OR1F1: variants seen among roughly 807,000 people sequenced by gnomAD.
OR1F1 encodes the protein olfactory receptor 1F1.
For synonymous variants in OR1F1, 184 were observed against 156.7 expected, an observed-to-expected ratio of 1.17 and a Z score of -1.30; for missense variants, 493 against 376.3, an observed-to-expected ratio of 1.31 and a Z score of -2.57.
exon 1 of OR1F1, chr16:3,204,727 C>T (rs201246799): frequency 1.9e-6 from 3 of 1,614,136 alleles, no homozygotes; most frequent in Non-Finnish European, 2.5e-6. Flanking sequence ...TCTGCACACC[C>T]TGCTGATGGC....
the OR1F1 span, among the ~76,000 whole-genome samples, chr16:3,193,866 C>G: frequency 2.6e-5 from 4 of 152,146 alleles, no homozygotes; most frequent in Non-Finnish European, 5.9e-5. Context: ...TTCTAGCCAC[C>G]CGCGATAAGT....
At chr16:3,200,053 A>G (rs1399551889), upstream of OR1F1, among the ~76,000 whole-genome samples, 1 of 152,016 alleles carries the variant, frequency 6.6e-6, no homozygotes, top group Non-Finnish European at 1.5e-5. Context: ...TTAGGTGCAG[A>G]ATAGACAGTA....
At chr16:3,196,857 G>C in the OR1F1 span, among the ~76,000 whole-genome samples, 1 of 151,450 alleles carries the variant, frequency 6.6e-6, no homozygotes, top group African/African-American at 2.4e-5. Context: ...ACCATGCCCA[G>C]CTATTTTGTT....
chr16:3,190,963 A>G, the OR1F1 span, among the ~76,000 whole-genome samples: 1 of 152,174 alleles, frequency 6.6e-6, no homozygotes, highest in Non-Finnish European at 1.5e-5. Flanking sequence ...TGAAAAAACA[A>G]CCAAATAGTT....
chr16:3,190,036 C>A, the OR1F1 span, among the ~76,000 whole-genome samples: 1 of 152,154 alleles, frequency 6.6e-6, no homozygotes, highest in Non-Finnish European at 1.5e-5. Flanking sequence ...ACAATAAGAG[C>A]CGAATCTTCA....
downstream of OR1F1, among the ~76,000 whole-genome samples, chr16:3,206,155 G>A (rs1228425204): frequency 2.0e-5 from 3 of 152,210 alleles, no homozygotes; most frequent in Non-Finnish European, 4.4e-5. Context: ...TTATGCAGTT[G>A]AGATAAGGAC....
At chr16:3,199,585 C>T (rs141983023), upstream of OR1F1, among the ~76,000 whole-genome samples, 985 of 152,188 alleles carry the variant, frequency 6.5e-3, 12 homozygotes, top group African/African-American at 0.023. Flanking sequence ...CCCACCTTGG[C>T]CTCCCAAAGT....
upstream of OR1F1, among the ~76,000 whole-genome samples, chr16:3,203,189 G>C (rs1958156389): frequency 6.6e-6 from 1 of 152,132 alleles, no homozygotes; most frequent in East Asian, 1.9e-4. Flanking sequence ...GGAGGGGAAG[G>C]GACAATTACT....
At chr16:3,189,646 T>G in the OR1F1 span, 1 of 151,966 alleles carries the variant, frequency 6.6e-6, no homozygotes, top group Non-Finnish European at 1.5e-5. Flanking sequence ...CTCGTTGGTC[T>G]AGGGGTATGA....
At chr16:3,192,429 T>C in the OR1F1 span, among the ~76,000 whole-genome samples, 1 of 152,236 alleles carries the variant, frequency 6.6e-6, no homozygotes, top group Non-Finnish European at 1.5e-5. Context: ...TGGATTTCTC[T>C]GCTTCAATTT....
At chr16:3,192,819 C>T in the OR1F1 span, among the ~76,000 whole-genome samples, 3 of 152,050 alleles carry the variant, frequency 2.0e-5, no homozygotes, top group Non-Finnish European at 4.4e-5. Flanking sequence ...GCTAAGAGGG[C>T]GCTGACTTGG....
chr16:3,206,455 AC>A (rs544087510), downstream of OR1F1, among the ~76,000 whole-genome samples: 136 of 151,722 alleles, frequency 9.0e-4, no homozygotes, highest in African/African-American at 3.1e-3. Flanking sequence ...CTGTTCGTAC[AC>A]CCCCACCCCT....
chr16:3,200,874 A>G (rs1055838794), upstream of OR1F1, among the ~76,000 whole-genome samples: 2 of 152,192 alleles, frequency 1.3e-5, no homozygotes, highest in Non-Finnish European at 2.9e-5. Context: ...ATGCCTGACC[A>G]ATGGCATTAA....
chr16:3,196,190 A>C, the OR1F1 span, among the ~76,000 whole-genome samples: 1 of 152,138 alleles, frequency 6.6e-6, no homozygotes, highest in Admixed American at 6.5e-5. Flanking sequence ...AAGACTCTTA[A>C]TCTCAGGGTC....
the OR1F1 span, among the ~76,000 whole-genome samples, chr16:3,191,696 G>T: frequency 5.3e-5 from 8 of 151,936 alleles, no homozygotes; most frequent in Non-Finnish European, 1.2e-4. Flanking sequence ...GTCTCCGCGC[G>T]CTCCCAGCAG....
At chr16:3,204,746 C>T in exon 1 of OR1F1, 1 of 1,614,170 alleles carries the variant, frequency 6.2e-7, no homozygotes, top group Non-Finnish European at 8.5e-7. Flanking sequence ...GCTCCACTCT[C>T]ATTCTGTGCA....
chr16:3,204,118 G>A (rs540425474), upstream of OR1F1: 66 of 676,178 alleles, frequency 9.8e-5, no homozygotes, highest in South Asian at 1.2e-3. Context: ...CAGCAGGGTT[G>A]ACAATATTAT....
chr16:3,204,514 C>T lies in OR1F1; in HGVS notation c.268C>T (p.Gln90Ter), dbSNP rs766373491. The change falls in exon 1 of 1, where the codon CAG becomes TAG. Residue 90 changes from glutamine (Q) to a stop codon, truncating the protein, a stop_gained. Coordinates refer to ENST00000304646, the Ensembl canonical transcript of OR1F1. LOFTEE classifies it low-confidence loss of function (END_TRUNC). ...GCTGGCCAATCACATACTCGAGACT[C>T]AGACCATCTCCTTCTGTGGCTGTCT... 5 of 1,614,098 alleles carry T rather than the reference C, an allele frequency of 3.1e-6. No individual in the cohort carries two copies. In the African/African-American group the frequency reaches 5.3e-5, roughly 17 times the overall value.
the OR1F1 span, among the ~76,000 whole-genome samples, chr16:3,190,284 A>G: frequency 2.6e-5 from 4 of 152,140 alleles, no homozygotes; most frequent in African/African-American, 7.2e-5. Context: ...TACGGACTGA[A>G]CCCTGGAACC....
Sources: allele counts gnomAD v4.1 joint callset (sites outside exome capture counted in the v4.1 genomes callset), GRCh38; gene constraint gnomAD v4.1.1; transcripts MANE v1.5; gene names NCBI Gene and HGNC (gene_info 2026-07-23, HGNC 2026-07-21).